The following CELSR3 variants were observed in gnomAD, a reference collection of about 807,000 sequenced individuals.
CELSR3 encodes the protein EGF-like protein 1.
CELSR3 carries 73 observed loss-of-function variants against 270.0 expected under a neutral mutation model. The observed-to-expected ratio is 0.27, with a 90% CI of 0.22 to 0.33. CELSR3 has a LOEUF of 0.33. Among genes scored for constraint, CELSR3 ranks in the 10% least tolerant of loss-of-function variants. The pLI, the probability that CELSR3 is intolerant of heterozygous loss-of-function variation, is 1.00. For synonymous variants in CELSR3, 1,780 were observed against 1,905.4 expected (o/e 0.93, Z 1.71); for missense variants, 3,614 against 4,533.8 (o/e 0.80, Z 5.83).
chr3:48,648,252 C>CCCCAA lies in CELSR3; in HGVS notation c.6973+13_6973+14insTTGGG. The stretch of plus-strand genomic sequence containing the variant: ...CCCCCTGCTGTGCCCCGCCCTACCC[C>CCCCAA]ACCCACAACGCACTGATATTAGGCG... On this transcript the variant is annotated intron_variant, in intron 19 of 34. Coordinates refer to ENST00000164024, the MANE Select transcript of CELSR3 (RefSeq NM_001407.3). The CCCCAA allele has an allele frequency of 6.3e-7, 1 of 1,577,574 alleles. No individual in the cohort carries two copies. The highest frequency in any genetic ancestry group is 8.7e-7 in the Non-Finnish European group (1 of 1,151,432).
Position 48,654,518 on chromosome 3 carries a change from A to C in CELSR3, c.4989-66T>G. ...AGAGTAGAGTTGCTCCTGGGGGGCC[A>C]CAGGAAGCAGGGGGGTAGGACCCAG... On this transcript the variant is annotated intron_variant, in intron 6 of 34. Transcript: ENST00000164024. The surrounding 1 kb of genome is among the most constrained non-coding windows in gnomAD (Gnocchi z 5.4). The C allele has an allele frequency of 2.1e-6, 3 of 1,410,026 alleles. No individual in the cohort carries two copies. The highest frequency in any genetic ancestry group is 2.9e-6 in the Non-Finnish European group (3 of 1,040,336). 87.3% of individuals were successfully genotyped at this position (1,410,026 alleles called of 1,614,324 possible).
Position 48,652,630 on chromosome 3 carries a change from C to G in CELSR3, c.5635-77G>C, listed in dbSNP as rs1429041244. On this transcript the variant is annotated intron_variant, in intron 10 of 34. Coordinates refer to ENST00000164024, the MANE Select transcript of CELSR3 (RefSeq NM_001407.3). This position sits in a 1 kb window ranked among gnomAD's most constrained non-coding sequence, Gnocchi z 4.3. Reference sequence around the variant, plus strand: ...TGTCATAGCCCAGAGTCAGTCTTGGCCTTCTTCTAGCCCTTCTAGGCTGCC... The same window carrying G: ...TGTCATAGCCCAGAGTCAGTCTTGGGCTTCTTCTAGCCCTTCTAGGCTGCC... 2.0e-5 allele frequency: 24 copies of G among 1,192,060 alleles called. No individual in the cohort carries two copies. The highest frequency in any genetic ancestry group is 2.8e-5 in the Non-Finnish European group (24 of 844,206). 73.8% of individuals were successfully genotyped at this position (1,192,060 alleles called of 1,614,324 possible).
At position 48,662,783 on chromosome 3, in the gene CELSR3, G is replaced by C. The variant is rs2077080100; in HGVS notation, c.-149C>G. On this transcript the variant is annotated 5_prime_UTR_variant, in exon 1 of 35. Coordinates refer to ENST00000164024, the MANE Select transcript of CELSR3 (RefSeq NM_001407.3). This position sits in a 1 kb window ranked among gnomAD's most constrained non-coding sequence, Gnocchi z 7.1. ...TCTCCGCACCCCCGCCGCCCTCTGG[G>C]CACCATCTACTCCGCGGCCGGAGCC... The C allele has an allele frequency of 3.2e-6, 1 of 314,186 alleles. No homozygotes were observed. The highest frequency in any genetic ancestry group is 5.7e-6 in the Non-Finnish European group (1 of 174,080). The allele number at this position is 314,186 out of a possible 1,614,324, so 19.5% of individuals were successfully genotyped here.
chr3:48,655,605 AG>A lies in CELSR3; in HGVS notation c.4741+130del. 1.1e-6 allele frequency: 1 copy of A among 915,854 alleles called. No individual in the cohort carries two copies. The highest frequency in any genetic ancestry group is 1.8e-6 in the Non-Finnish European group (1 of 568,220). The allele number at this position is 915,854 out of a possible 1,614,324, so 56.7% of individuals were successfully genotyped here. A position where few individuals can be genotyped will look rare whatever the true frequency, so the allele number is the denominator to read the frequency against. On this transcript the variant is annotated intron_variant, in intron 4 of 34. Coordinates refer to ENST00000164024, the MANE Select transcript of CELSR3 (RefSeq NM_001407.3). The surrounding 1 kb of genome is among the most constrained non-coding windows in gnomAD (Gnocchi z 5.8). ...ACCTTCCCACAGGGAATGGCCAAGGAGCTAGGTCTTCAGGGCTTGCATGGCG... is the reference window on the plus strand; with the variant it reads ...ACCTTCCCACAGGGAATGGCCAAGGACTAGGTCTTCAGGGCTTGCATGGCG...
chr3:48,659,054 C>T lies in CELSR3; in HGVS notation c.3581G>A (p.Arg1194His), dbSNP rs758290257. Residue 1194 changes from arginine (R) to histidine (H), a missense_variant, in exon 1 of 35, where the codon CGC becomes CAC. Transcript: ENST00000164024. The surrounding 1 kb of genome is among the most constrained non-coding windows in gnomAD (Gnocchi z 8.1). ...SDTFPSGIIG[R>H]IPAYDPDVSD... ...GACATCGGGGTCATAAGCTGGGATG[C>T]GCCCAATAATGCCCGACGGGAAGGT... The T allele has an allele frequency of 5.9e-5, 95 of 1,614,030 alleles. No individual in the cohort carries two copies. The highest frequency in any genetic ancestry group is 1.1e-4 in the African/African-American group (8 of 74,910).
In CELSR3 at chr3:48,650,863, A is replaced by ATGGGTGGAGC. The variant is rs1377613317; in HGVS notation, c.6370+19_6370+28dup. ...GGTGGCACACTGGAACCAGCCCTCTATGGGTGGAGCTGGGTGGAGCCTGCT... is the reference window on the plus strand; with the variant it reads ...GGTGGCACACTGGAACCAGCCCTCTATGGGTGGAGCTGGGTGGAGCTGGGTGGAGCCTGCT... On this transcript the variant is annotated intron_variant, in intron 15 of 34. Coordinates refer to ENST00000164024, the MANE Select transcript of CELSR3 (RefSeq NM_001407.3). The surrounding 1 kb of genome is among the most constrained non-coding windows in gnomAD (Gnocchi z 5.1). 6.2e-7 allele frequency: 1 copy of ATGGGTGGAGC among 1,601,844 alleles called. No individual in the cohort carries two copies. Among genetic ancestry groups the ATGGGTGGAGC allele is most frequent in the South Asian group, 1.1e-5 (1 of 89,914 alleles).
In CELSR3 at chr3:48,644,533, C is replaced by T. The variant is rs1055809859; in HGVS notation, c.8085+183G>A. Among the ~76,000 whole-genome samples the T allele has an allele frequency of 1.3e-5, 2 of 152,042 alleles. No individual in the cohort carries two copies. Among genetic ancestry groups the T allele is most frequent in the African/African-American group, 4.8e-5 (2 of 41,382 alleles). On this transcript the variant is annotated intron_variant, in intron 26 of 34. Coordinates refer to ENST00000164024, the MANE Select transcript of CELSR3 (RefSeq NM_001407.3). The surrounding 1 kb of genome is among the most constrained non-coding windows in gnomAD (Gnocchi z 4.8). Reference sequence around the variant, plus strand: ...AGGGACAGGCAACTGAATCTCTGACCCCGCGCCCCCATCTCCATGCCAGTT... The same window carrying T: ...AGGGACAGGCAACTGAATCTCTGACTCCGCGCCCCCATCTCCATGCCAGTT...
In CELSR3 at chr3:48,649,227, C is replaced by T. The variant is rs200927223; in HGVS notation, c.6473-12G>A. ...CCGCACAGCAGCACCTGGAGGCAGG[C>T]AACCCCTGGTCAGGCCTGGGGCCTG... On this transcript the variant is annotated splice_polypyrimidine_tract_variant and intron_variant, in intron 16 of 34. Transcript: ENST00000164024. The T allele has an allele frequency of 1.6e-4, 258 of 1,603,922 alleles. No homozygotes were observed. The highest frequency in any genetic ancestry group is 2.0e-4 in the Non-Finnish European group (232 of 1,175,100).
In CELSR3 at chr3:48,655,876, G is replaced by T. The variant is rs763195087; in HGVS notation, c.4626-25C>A. 1.5e-6 allele frequency: 2 copies of T among 1,308,124 alleles called. No individual in the cohort carries two copies. Among genetic ancestry groups the T allele is most frequent in the East Asian group, 4.8e-5 (2 of 41,880 alleles). The allele number at this position is 1,308,124 out of a possible 1,614,324, so 81.0% of individuals were successfully genotyped here. A position where few individuals can be genotyped will look rare whatever the true frequency, so the allele number is the denominator to read the frequency against. ...CCTGGGCGGGGTGGGAGGGGGTTGC[G>T]GGGGTGGGAGCGTCAGGAGCAGGGT... is the stretch of plus-strand genomic sequence containing the variant. On this transcript the variant is annotated intron_variant, in intron 3 of 34. Transcript: ENST00000164024. The surrounding 1 kb of genome is among the most constrained non-coding windows in gnomAD (Gnocchi z 5.8).
Position 48,655,212 on chromosome 3 carries a change from A to C in CELSR3, c.4831-11T>G. 1 of 1,613,990 alleles carries C rather than the reference A, an allele frequency of 6.2e-7. No homozygotes were observed. Among genetic ancestry groups the C allele is most frequent in the Non-Finnish European group, 8.5e-7 (1 of 1,179,924 alleles). ...GGCATCTGTCCGGGGCTGAAGACGC[A>C]GGCACACCAGTCAACAGTGCCCCCA... On this transcript the variant is annotated splice_polypyrimidine_tract_variant and intron_variant, in intron 5 of 34. Transcript: ENST00000164024. The surrounding 1 kb of genome is among the most constrained non-coding windows in gnomAD (Gnocchi z 5.8).
rs1450969334 is a variant in CELSR3 at position 48,661,359 on chromosome 3, G to A, written c.1276C>T (p.Arg426Cys). Residue 426 changes from arginine to cysteine, a missense_variant, in exon 1 of 35, where the codon CGC (arginine) becomes TGC (cysteine). Arg to Cys is a radical substitution (Grantham distance 180). This residue lies in a region of CELSR3 where 354 missense variants were observed against 500.9 expected (regional missense o/e 0.71). Coordinates refer to ENST00000164024, the MANE Select transcript of CELSR3 (RefSeq NM_001407.3). ...TTMVAVTVADRNDHSPVFEQA... is the reference protein window; with the variant it reads ...TTMVAVTVADCNDHSPVFEQA... ...TCAAAAACCGGCGAGTGGTCGTTGC[G>A]GTCGGCTACTGTCACGGCCACCATC... is the stretch of plus-strand genomic sequence containing the variant. 1 of 1,612,988 alleles carries A rather than the reference G, an allele frequency of 6.2e-7. No homozygotes were observed.
chr3:48,662,301 C>T lies in CELSR3; in HGVS notation c.334G>A (p.Glu112Lys). The change falls in exon 1 of 35, where the codon GAA becomes AAA. Residue 112 changes from glutamate to lysine, a missense_variant. Glu to Lys is a moderately conservative substitution (Grantham distance 56). Coordinates refer to ENST00000164024, the MANE Select transcript of CELSR3 (RefSeq NM_001407.3). The surrounding 1 kb of genome is among the most constrained non-coding windows in gnomAD (Gnocchi z 7.1). ...PEQPNEELGI[E>K]HGVQPLGSRE... ...CTGCCCAATGGCTGGACGCCGTGTT[C>T]AATCCCCAGCTCCTCATTCGGCTGC... The T allele has an allele frequency of 6.2e-7, 1 of 1,613,088 alleles. No homozygotes were observed. The highest frequency in any genetic ancestry group is 8.5e-7 in the Non-Finnish European group (1 of 1,180,034).
chr3:48,651,570 C>G lies in CELSR3; in HGVS notation c.6065+7G>C, dbSNP rs771398055. ...GTCTCCCCATCGCCTCAGCCCCAGC[C>G]TCTTACCTGTGCTCACAGTGGTGCC... On this transcript the variant is annotated splice_region_variant and intron_variant, in intron 13 of 34. Transcript: ENST00000164024. The surrounding 1 kb of genome is among the most constrained non-coding windows in gnomAD (Gnocchi z 7.4). 11 of 1,582,630 alleles carry G rather than the reference C, an allele frequency of 7.0e-6. 1 individual carries two copies. The South Asian group carries it at 1.3e-4, about 18-fold the overall frequency.
At position 48,653,338 on chromosome 3, in the gene CELSR3, C is replaced by T. The variant is rs781418048; in HGVS notation, c.5449-151G>A. 4.7e-5 allele frequency: 36 copies of T among 759,460 alleles called. No homozygotes were observed. The highest frequency in any genetic ancestry group is 2.3e-4 in the African/African-American group (13 of 56,886). 47.0% of individuals were successfully genotyped at this position (759,460 alleles called of 1,614,324 possible). ...GCACAAAGGGCACTGTGCCAGGGGA[C>T]ATCATGTTGCTGATATGGGGTCAGG... On this transcript the variant is annotated intron_variant, in intron 9 of 34. Transcript: ENST00000164024. The surrounding 1 kb of genome is among the most constrained non-coding windows in gnomAD (Gnocchi z 6.5).
rs111946927 is a variant in CELSR3 at position 48,661,384 on chromosome 3, C to A, written c.1251G>T (p.Thr417=). Residue 417 remains threonine (T), a synonymous_variant, in exon 1 of 35, where the codon ACG becomes ACT. Transcript: ENST00000164024. ...DHGSPRLSAT[T]MVAVTVADRN... is the part of the protein sequence containing the mutation. ...GGTCGGCTACTGTCACGGCCACCAT[C>A]GTGGTGGCCGAGAGGCGCGGCGACC... is the stretch of plus-strand genomic sequence containing the variant. The A allele has an allele frequency of 1.3e-5, 21 of 1,612,452 alleles. 1 individual carries two copies. The African/African-American group carries it at 2.1e-4, about 16-fold the overall frequency.
At position 48,655,012 on chromosome 3, in the gene CELSR3, G is replaced by A. The variant is rs1003287094; in HGVS notation, c.4988+32C>T. On this transcript the variant is annotated intron_variant, in intron 6 of 34. Transcript: ENST00000164024. The surrounding 1 kb of genome is among the most constrained non-coding windows in gnomAD (Gnocchi z 5.8). ...GGTTGGAGTGGGCTTTGGTAGGCAG[G>A]GGACAAGGGGACTAGGGGGCAGGGG... 1 of 1,608,032 alleles carries A rather than the reference G, an allele frequency of 6.2e-7. No individual in the cohort carries two copies. The highest frequency in any genetic ancestry group is 1.7e-5 in the Admixed American group (1 of 59,930).
chr3:48,661,294 C>T lies in CELSR3; in HGVS notation c.1341G>A (p.Glu447=). The change falls in exon 1 of 35, where the codon GAG becomes GAA. Residue 447 remains glutamate (E), a synonymous_variant. Transcript: ENST00000164024. ...GCAGCTGCAGGATAGGGTAGCCCTC[C>T]TCCACATTCTCGCGAAGGGTCTCCC... ...QYRETLRENV[E]EGYPILQLRA... 3 of 1,613,422 alleles carry T rather than the reference C, an allele frequency of 1.9e-6. No individual in the cohort carries two copies. Among genetic ancestry groups the T allele is most frequent in the Non-Finnish European group, 2.5e-6 (3 of 1,179,786 alleles).
Position 48,658,662 on chromosome 3 carries a change from G to A in CELSR3, c.3748+225C>T, listed in dbSNP as rs2077042647. On this transcript the variant is annotated intron_variant, in intron 1 of 34. Transcript: ENST00000164024. This position sits in a 1 kb window ranked among gnomAD's most constrained non-coding sequence, Gnocchi z 4.7. ...GACAGTTCTTTACAGGCTTTATGGG[G>A]TCTGCTAGATGCCTTGGAATCACTG... Among the ~76,000 whole-genome samples the A allele has an allele frequency of 6.6e-6, 1 of 152,184 alleles. No homozygotes were observed. The highest frequency in any genetic ancestry group is 6.5e-5 in the Admixed American group (1 of 15,284).
Position 48,659,817 on chromosome 3 carries a change from G to C in CELSR3, c.2818C>G (p.Gln940Glu). ...TCCACATAAGTAGTGTCTGCCTTCTGTGGGATGCCATTGTCCCGAGCTGTG... is the reference window on the plus strand; with the variant it reads ...TCCACATAAGTAGTGTCTGCCTTCTCTGGGATGCCATTGTCCCGAGCTGTG... Reference protein sequence around the residue: ...AITARDNGIPQKADTTYVEVM... With the variant: ...AITARDNGIPEKADTTYVEVM... Residue 940 changes from glutamine (Q) to glutamate (E), a missense_variant, in exon 1 of 35, where the codon CAG becomes GAG. Physicochemically the swap from Gln to Glu is conservative, Grantham distance 29. Transcript: ENST00000164024. This position sits in a 1 kb window ranked among gnomAD's most constrained non-coding sequence, Gnocchi z 8.1. 1 of 1,614,244 alleles carries C rather than the reference G, an allele frequency of 6.2e-7. No homozygotes were observed. Among genetic ancestry groups the C allele is most frequent in the Non-Finnish European group, 8.5e-7 (1 of 1,180,038 alleles).
Sources: gnomAD v4.1 joint callset for allele counts (sites outside exome capture counted in the v4.1 genomes callset) on GRCh38, gnomAD v4.1.1 for gene constraint, gnomAD v4.1.1 regional missense constraint, Gnocchi (gnomAD v3.1) non-coding constraint, MANE v1.5 for transcripts, NCBI Gene and HGNC (gene_info 2026-07-23, HGNC 2026-07-21) for gene names.